The following ULK4 variants were observed in gnomAD, a reference collection of about 807,000 sequenced individuals.
The protein encoded by ULK4 is unc-51 like kinase 4.
ULK4 carries 133 observed loss-of-function variants against 160.6 expected under a neutral mutation model. The observed-to-expected ratio is 0.83, with a 90% CI of 0.72 to 0.96. The LOEUF is 0.96. Ranked by LOEUF, ULK4 falls within the 40% of genes least tolerant of loss-of-function variation. The pLI is 0.00. For synonymous variants in ULK4, 534 were observed against 539.8 expected, an observed-to-expected ratio of 0.99 and a Z score of 0.15; for missense variants, 1,580 against 1,499.5, an observed-to-expected ratio of 1.05 and a Z score of -0.89.
At chr3:41,714,258 T>C (rs951408699) in intron 25 of ULK4, among the ~76,000 whole-genome samples, 2 of 152,202 alleles carry the variant, frequency 1.3e-5, no homozygotes, top group African/African-American at 4.8e-5. Context: ...CTTTACTGCA[T>C]TGCTTCCTAA....
At chr3:41,394,974 A>G (rs1288153979) in intron 35 of ULK4, among the ~76,000 whole-genome samples, 2 of 152,134 alleles carry the variant, frequency 1.3e-5, no homozygotes, top group Non-Finnish European at 2.9e-5. Flanking sequence ...AAGAGGGTAG[A>G]AAACAGTATA....
chr3:41,305,866 C>T (rs1392624358), intron 35 of ULK4, among the ~76,000 whole-genome samples: 3 of 146,646 alleles, frequency 2.0e-5, no homozygotes, highest in Non-Finnish European at 3.0e-5. Flanking sequence ...GCGCCTCTGC[C>T]CCCCCGCCCC....
In ULK4 at chr3:41,578,005, C is replaced by T. The variant is rs1041714726; in HGVS notation, c.3121-11875G>A. Reference sequence around the variant, plus strand: ...TGGCAGGTCAGCTCTTACTCCTGAACAGCAAGTGATGAATAGGCTATTCTG... The same window carrying T: ...TGGCAGGTCAGCTCTTACTCCTGAATAGCAAGTGATGAATAGGCTATTCTG... On this transcript the variant is annotated intron_variant, in intron 31 of 36. Transcript: ENST00000301831. Among the ~76,000 whole-genome samples the T allele has an allele frequency of 5.9e-5, 9 of 152,344 alleles. No homozygotes were observed. In the East Asian group the frequency reaches 9.7e-4, roughly 16 times the overall value.
intron 20 of ULK4, among the ~76,000 whole-genome samples, chr3:41,798,300 T>A (rs1279471087): frequency 6.6e-6 from 1 of 152,202 alleles, no homozygotes; most frequent in East Asian, 1.9e-4. Flanking sequence ...TTAAAATGAA[T>A]GTCTTAAAAT....
intron 32 of ULK4, among the ~76,000 whole-genome samples, chr3:41,558,789 C>G (rs1385802891): frequency 3.3e-5 from 5 of 151,540 alleles, no homozygotes. Flanking sequence ...AGAACAGTGA[C>G]TTGGTAATTT....
intron 21 of ULK4, among the ~76,000 whole-genome samples, chr3:41,776,135 G>C (rs1024626762): frequency 1.3e-5 from 2 of 150,736 alleles, no homozygotes; most frequent in Non-Finnish European, 2.9e-5. Context: ...TTACATGTTC[G>C]CCAATCTGAA....
At position 41,400,902 on chromosome 3, in the gene ULK4, G is replaced by A. The variant is rs559357878; in HGVS notation, c.3493-2638C>T. ...GCTAGATAGATGGTGGTATCTCATT[G>A]TAGTTTAAATTCACATTTCCCTAAT... On this transcript the variant is annotated intron_variant, in intron 34 of 36. Coordinates refer to ENST00000301831, the MANE Select transcript of ULK4 (RefSeq NM_017886.4). Among the ~76,000 whole-genome samples the A allele has an allele frequency of 2.0e-5, 3 of 152,254 alleles. No individual in the cohort carries two copies. In the East Asian group the frequency reaches 5.8e-4, roughly 29 times the overall value.
intron 34 of ULK4, among the ~76,000 whole-genome samples, chr3:41,442,920 C>T (rs1553668055): frequency 3.3e-5 from 5 of 152,162 alleles, no homozygotes; most frequent in Non-Finnish European, 7.4e-5. Context: ...AATAGTGCTT[C>T]TCTTCTTCTC....
chr3:41,916,721 T>C (rs1177757788), intron 7 of ULK4, among the ~76,000 whole-genome samples: 1 of 151,398 alleles, frequency 6.6e-6, no homozygotes, highest in Non-Finnish European at 1.5e-5. Flanking sequence ...TTTTTTTTTT[T>C]TTGGAGAATG....
chr3:41,923,746 AC>A, intron 5 of ULK4, among the ~76,000 whole-genome samples: 1 of 152,366 alleles, frequency 6.6e-6, no homozygotes, highest in Non-Finnish European at 1.5e-5. Flanking sequence ...CAGGGACCAG[AC>A]CGTGGAACCT....
chr3:41,485,173 C>T lies in ULK4; in HGVS notation c.3227-21920G>A, dbSNP rs1559638956. 1.3e-5 allele frequency among the ~76,000 whole-genome samples: 2 copies of T among 152,148 alleles called. 1 individual carries two copies. Among genetic ancestry groups the T allele is most frequent in the African/African-American group, 4.8e-5 (2 of 41,442 alleles). On this transcript the variant is annotated intron_variant, in intron 32 of 36. Transcript: ENST00000301831. ...AAGTAACTTTCCCAAGACCATGTGG[C>T]TCCATGGTCTGTGCTATTACCCATT...
intron 35 of ULK4, among the ~76,000 whole-genome samples, chr3:41,386,451 T>A (rs2081811322): frequency 6.6e-6 from 1 of 152,298 alleles, no homozygotes; most frequent in African/African-American, 2.4e-5. Context: ...TCTTATGAAG[T>A]GGCGTCCACA....
intron 34 of ULK4, among the ~76,000 whole-genome samples, chr3:41,435,315 C>T (rs2083009070): frequency 6.6e-6 from 1 of 152,140 alleles, no homozygotes; most frequent in African/African-American, 2.4e-5. Context: ...ATGCTTTAAG[C>T]CCAGGGACAA....
chr3:41,627,531 A>G (rs1439419300), intron 30 of ULK4, among the ~76,000 whole-genome samples: 3 of 152,196 alleles, frequency 2.0e-5, no homozygotes, highest in Non-Finnish European at 4.4e-5. Context: ...ATCTCCATCT[A>G]CGCTCTCTGC....
rs550697645 is a variant in ULK4 at position 41,691,833 on chromosome 3, T to C, written c.2782-10029A>G. 2.0e-4 allele frequency among the ~76,000 whole-genome samples: 30 copies of C among 151,562 alleles called. No homozygotes were observed. The South Asian group carries it at 6.2e-3, about 32-fold the overall frequency. On this transcript the variant is annotated intron_variant, in intron 27 of 36. Coordinates refer to ENST00000301831, the MANE Select transcript of ULK4 (RefSeq NM_017886.4). ...TGCATTTTGAGAAATCAAATTAAAA[T>C]TGTACGCTTTAATGACAACCCAACA...
intron 34 of ULK4, among the ~76,000 whole-genome samples, chr3:41,402,894 T>C (rs1235507082): frequency 6.6e-6 from 1 of 152,174 alleles, no homozygotes; most frequent in Non-Finnish European, 1.5e-5. Flanking sequence ...TTCATGTCTG[T>C]AATCCCAGCA....
chr3:41,574,061 A>G (rs2088096043), intron 31 of ULK4, among the ~76,000 whole-genome samples: 1 of 127,170 alleles, frequency 7.9e-6, no homozygotes, highest in Admixed American at 8.8e-5. Flanking sequence ...GCATGCCTAT[A>G]ATCCCAGCTA....
chr3:41,250,332 T>G (rs2078722606), intron 35 of ULK4, among the ~76,000 whole-genome samples: 2 of 152,248 alleles, frequency 1.3e-5, no homozygotes, highest in Non-Finnish European at 2.9e-5. Context: ...CTCCTATTGT[T>G]ATCTTTGTTA....
At chr3:41,806,343 C>T (rs1478274050) in intron 19 of ULK4, among the ~76,000 whole-genome samples, 4 of 151,928 alleles carry the variant, frequency 2.6e-5, no homozygotes, top group African/African-American at 4.8e-5. Flanking sequence ...CCCTTTATCA[C>T]TTTTTATTGA....
Sources: gnomAD v4.1 joint callset for allele counts (sites outside exome capture counted in the v4.1 genomes callset) on GRCh38, gnomAD v4.1.1 for gene constraint, MANE v1.5 for transcripts, NCBI Gene and HGNC (gene_info 2026-07-23, HGNC 2026-07-21) for gene names.